LGALS3BP: variants seen among roughly 807,000 people sequenced by gnomAD.
LGALS3BP encodes galectin-3-binding protein.
A neutral mutation model predicts 22.9 loss-of-function variants in LGALS3BP; 25 were observed. That is an observed-to-expected ratio of 1.09 (90% CI 0.80 to 1.53). The LOEUF (loss-of-function observed/expected upper bound fraction) is 1.53, where lower values mean the gene tolerates loss of function less well. LGALS3BP is among the 40% of genes most tolerant of loss of function. The pLI is 0.00. For synonymous variants in LGALS3BP, 335 were observed against 331.1 expected (o/e 1.01, Z -0.13); for missense variants, 718 against 752.0 (o/e 0.95, Z 0.53).
chr17:78,974,672 G>A lies in LGALS3BP; in HGVS notation c.376+16C>T. The A allele has an allele frequency of 6.2e-7, 1 of 1,610,496 alleles. No individual in the cohort carries two copies. Among genetic ancestry groups the A allele is most frequent in the Non-Finnish European group, 8.5e-7 (1 of 1,178,430 alleles). Reference sequence around the variant, plus strand: ...GGCACACTGGGGCCTCCGCAGGGAGGTGCGCCCCCGCTCACCATTGGTGCA... The same window carrying A: ...GGCACACTGGGGCCTCCGCAGGGAGATGCGCCCCCGCTCACCATTGGTGCA... On this transcript the variant is annotated intron_variant, in intron 4 of 5. Coordinates refer to ENST00000262776, the MANE Select transcript of LGALS3BP (RefSeq NM_005567.4).
In LGALS3BP at chr17:78,973,353, CG is replaced by C; in HGVS notation, c.377-132del. The C allele has an allele frequency of 9.0e-7, 1 of 1,111,980 alleles. No individual in the cohort carries two copies. Among genetic ancestry groups the C allele is most frequent in the Non-Finnish European group, 1.2e-6 (1 of 806,526 alleles). The allele number at this position is 1,111,980 out of a possible 1,614,324, so 68.9% of individuals were successfully genotyped here. ...TCACTCTGGAAGGCTCCTGGGAAGA[CG>C]AGGGACAAGAGAGACCGGAAGTGTC... On this transcript the variant is annotated intron_variant, in intron 4 of 5. Coordinates refer to ENST00000262776, the MANE Select transcript of LGALS3BP (RefSeq NM_005567.4). The surrounding 1 kb of genome is among the most constrained non-coding windows in gnomAD (Gnocchi z 5.8).
chr17:78,975,080 T>C, intron 3 of LGALS3BP: 3 of 484,006 alleles, frequency 6.2e-6, no homozygotes, highest in South Asian at 5.1e-5. Flanking sequence ...TGTGTGACTA[T>C]CCCTGCAACA....
intron 1 of LGALS3BP, among the ~76,000 whole-genome samples, chr17:78,978,683 G>A (rs1280743585): frequency 2.6e-5 from 4 of 152,164 alleles, no homozygotes; most frequent in Non-Finnish European, 4.4e-5. Flanking sequence ...ATGGGTGGAC[G>A]CCCTCTCCAC....
At chr17:78,974,130 C>G (rs2070698675) in intron 4 of LGALS3BP, among the ~76,000 whole-genome samples, 1 of 152,248 alleles carries the variant, frequency 6.6e-6, no homozygotes. Context: ...CAACTCCTGG[C>G]AAAGGGCAGT....
Position 78,974,834 on chromosome 17 carries a change from G to A in LGALS3BP, c.245-15C>T. 6.2e-7 allele frequency: 1 copy of A among 1,611,748 alleles called. No individual in the cohort carries two copies. Among genetic ancestry groups the A allele is most frequent in the Non-Finnish European group, 8.5e-7 (1 of 1,178,576 alleles). On this transcript the variant is annotated splice_polypyrimidine_tract_variant and intron_variant, in intron 3 of 5. Transcript: ENST00000262776. ...GGGGCCTGATCCTGTGGACACAGCA[G>A]ATGGCAGGGCTGGGGGCGTGACGAC... is the stretch of plus-strand genomic sequence containing the variant.
rs192815320 is a variant in LGALS3BP at position 78,972,746 on chromosome 17, A to C, written c.630-42T>G. Reference sequence around the variant, plus strand: ...AGAGCAGATGCCGGCCCCACAGGACAGCAGGGGAGCCCTGGGCCCAACTGT... The same window carrying C: ...AGAGCAGATGCCGGCCCCACAGGACCGCAGGGGAGCCCTGGGCCCAACTGT... On this transcript the variant is annotated intron_variant, in intron 5 of 5. Coordinates refer to ENST00000262776, the MANE Select transcript of LGALS3BP (RefSeq NM_005567.4). The surrounding 1 kb of genome is among the most constrained non-coding windows in gnomAD (Gnocchi z 5.1). The C allele has an allele frequency of 2.0e-6, 3 of 1,512,080 alleles. No homozygotes were observed. Among genetic ancestry groups the C allele is most frequent in the Admixed American group, 2.3e-5 (1 of 44,282 alleles). The allele number at this position is 1,512,080 out of a possible 1,614,324, so 93.7% of individuals were successfully genotyped here.
Position 78,972,700 on chromosome 17 carries a change from A to G in LGALS3BP, c.634T>C (p.Phe212Leu). ...VPMVRDLLRY[F>L]YSRRIDITLS... is the part of the protein sequence containing the mutation. ...GTGATGTCAATCCTTCGGGAGTAGAAGTACCTGGGGAGAAAGAAGGAGAGC... is the reference window on the plus strand; with the variant it reads ...GTGATGTCAATCCTTCGGGAGTAGAGGTACCTGGGGAGAAAGAAGGAGAGC... Residue 212 changes from phenylalanine (F) to leucine (L), a missense_variant, in exon 6 of 6, where the codon TTC becomes CTC. By Grantham distance (22) the Phe-to-Leu change is conservative. Transcript: ENST00000262776. This position sits in a 1 kb window ranked among gnomAD's most constrained non-coding sequence, Gnocchi z 5.1. 1 of 1,516,102 alleles carries G rather than the reference A, an allele frequency of 6.6e-7. No individual in the cohort carries two copies. Among genetic ancestry groups the G allele is most frequent in the Middle Eastern group, 1.8e-4 (1 of 5,598 alleles). 93.9% of individuals were successfully genotyped at this position (1,516,102 alleles called of 1,614,324 possible). A position where few individuals can be genotyped will look rare whatever the true frequency, so the allele number is the denominator to read the frequency against.
chr17:78,972,188 TTCCAGGG>T lies in LGALS3BP; in HGVS notation c.1139_1145del (p.Ala380AspfsTer16). On this transcript the variant is annotated frameshift_variant, in exon 6 of 6. Transcript: ENST00000262776. LOFTEE classifies it low-confidence loss of function (END_TRUNC). The surrounding 1 kb of genome is among the most constrained non-coding windows in gnomAD (Gnocchi z 5.1). ...GCAACTGGAAGGGCACAGTGTGGAA[TTCCAGGG>T]CCTGCAGAGTCTTCTTCTGGAACAG... is the stretch of plus-strand genomic sequence containing the variant. The T allele has an allele frequency of 1.2e-6, 2 of 1,613,962 alleles. No homozygotes were observed. Among genetic ancestry groups the T allele is most frequent in the Non-Finnish European group, 1.7e-6 (2 of 1,180,016 alleles).
chr17:78,975,690 G>C (rs568542932), intron 3 of LGALS3BP, among the ~76,000 whole-genome samples: 1 of 149,450 alleles, frequency 6.7e-6, no homozygotes, highest in Non-Finnish European at 1.5e-5. Context: ...TACTCAGAAG[G>C]CTGAGACAGG....
rs1013675368 is a variant in LGALS3BP at position 78,971,489 on chromosome 17, T to G, written c.*87A>C. 3.1e-6 allele frequency: 4 copies of G among 1,285,984 alleles called. No individual in the cohort carries two copies. The African/African-American group carries it at 6.0e-5, about 19-fold the overall frequency. 79.7% of individuals were successfully genotyped at this position (1,285,984 alleles called of 1,614,324 possible). A position where few individuals can be genotyped will look rare whatever the true frequency, so the allele number is the denominator to read the frequency against. On this transcript the variant is annotated 3_prime_UTR_variant, in exon 6 of 6. Transcript: ENST00000262776. This position sits in a 1 kb window ranked among gnomAD's most constrained non-coding sequence, Gnocchi z 5.6. ...CTGGTGGCCGGTTGTTGAAGGTCATTGCAGAGAGGAAGGAAGCCGAGGAGG... is the reference window on the plus strand; with the variant it reads ...CTGGTGGCCGGTTGTTGAAGGTCATGGCAGAGAGGAAGGAAGCCGAGGAGG...
rs766399046 is a variant in LGALS3BP, at chr17:78,972,101, C to T, written c.1233G>A (p.Ser411=). 6.2e-6 allele frequency: 10 copies of T among 1,613,136 alleles called. No homozygotes were observed. Among genetic ancestry groups the T allele is most frequent in the Admixed American group, 3.3e-5 (2 of 60,002 alleles). Residue 411 remains serine (S), a synonymous_variant, in exon 6 of 6, where the codon TCG becomes TCA. Coordinates refer to ENST00000262776, the MANE Select transcript of LGALS3BP (RefSeq NM_005567.4). The surrounding 1 kb of genome is among the most constrained non-coding windows in gnomAD (Gnocchi z 5.1). ...EDTYKPRIYT[S]PTWSAFVTDS... is the part of the protein sequence containing the mutation. ...CTGTCACAAAGGCACTCCAGGTGGG[C>T]GAGGTGTAAATCCGGGGCTTGTAGG...
At chr17:78,979,217 C>A (rs188361245) in intron 1 of LGALS3BP, among the ~76,000 whole-genome samples, 221 of 152,374 alleles carry the variant, frequency 1.5e-3, no homozygotes, top group Admixed American at 4.4e-3. Flanking sequence ...AGGTGCTCTT[C>A]CTTGGAGTGG....
chr17:78,979,310 TG>T (rs1208481944), intron 1 of LGALS3BP: 1 of 152,370 alleles, frequency 6.6e-6, no homozygotes, highest in Non-Finnish European at 1.5e-5. Flanking sequence ...GGTATCCTTG[TG>T]CAGTGAGTAA....
At position 78,972,462 on chromosome 17, in the gene LGALS3BP, G is replaced by A. The variant is rs528455834; in HGVS notation, c.872C>T (p.Thr291Met). 178 of 1,613,376 alleles carry A rather than the reference G, an allele frequency of 1.1e-4. No homozygotes were observed. The highest frequency in any genetic ancestry group is 1.0e-3 in the South Asian group (95 of 91,080). Residue 291 changes from threonine (T) to methionine (M), a missense_variant, in exon 6 of 6, where the codon ACG becomes ATG. Physicochemically the swap from Thr to Met is moderately conservative, Grantham distance 81 (BLOSUM62 -1). Transcript: ENST00000262776. The surrounding 1 kb of genome is among the most constrained non-coding windows in gnomAD (Gnocchi z 5.1). ...GACACTGGGCCAGGCCTCGGCCTGCGTCAAGGCCTCGAAGTTCCAGGCCAG... is the reference window on the plus strand; with the variant it reads ...GACACTGGGCCAGGCCTCGGCCTGCATCAAGGCCTCGAAGTTCCAGGCCAG... ...QFLAWNFEALTQAEAWPSVPT... is the reference protein window; with the variant it reads ...QFLAWNFEALMQAEAWPSVPT...
chr17:78,972,820 G>T lies in LGALS3BP; in HGVS notation c.630-116C>A. ...ACAGTGTGGGAGTGAGCATGCGTGT[G>T]TGTGCAACTGCGTGAGTGCATGTGT... On this transcript the variant is annotated intron_variant, in intron 5 of 5. Coordinates refer to ENST00000262776, the MANE Select transcript of LGALS3BP (RefSeq NM_005567.4). This position sits in a 1 kb window ranked among gnomAD's most constrained non-coding sequence, Gnocchi z 5.1. 7.0e-7 allele frequency: 1 copy of T among 1,433,198 alleles called. No homozygotes were observed. Among genetic ancestry groups the T allele is most frequent in the Non-Finnish European group, 9.4e-7 (1 of 1,066,628 alleles). 88.8% of individuals were successfully genotyped at this position (1,433,198 alleles called of 1,614,324 possible).
In LGALS3BP at chr17:78,972,020, A is replaced by G; in HGVS notation, c.1314T>C (p.Pro438=). ...AGTAATCAGAAGAATATTTGACCAA[A>G]GGCCCCCGTCTGGACTGATAGACCA... ...SQLVYQSRRG[P]LVKYSSDYFQ... Residue 438 remains proline (P), a synonymous_variant, in exon 6 of 6, where the codon CCT becomes CCC. Transcript: ENST00000262776. This position sits in a 1 kb window ranked among gnomAD's most constrained non-coding sequence, Gnocchi z 5.1. 6.2e-7 allele frequency: 1 copy of G among 1,614,062 alleles called. No individual in the cohort carries two copies.
rs1230693163 is a variant in LGALS3BP at position 78,976,154 on chromosome 17, C to T, written c.55G>A (p.Val19Met). 6.4e-6 allele frequency: 10 copies of T among 1,571,512 alleles called. No individual in the cohort carries two copies. The highest frequency in any genetic ancestry group is 2.3e-5 in the South Asian group (2 of 85,730). ...VWLLVAGTQGVNDGDMRLADG... is the reference protein window; with the variant it reads ...VWLLVAGTQGMNDGDMRLADG... ...GCCAGCCGCATGTCACCATCGTTCACGCCTGCAGGCAGAGACCAGCGAGGG... is the reference window on the plus strand; with the variant it reads ...GCCAGCCGCATGTCACCATCGTTCATGCCTGCAGGCAGAGACCAGCGAGGG... The change falls in exon 3 of 6, where the codon GTG (valine) becomes ATG (methionine). Residue 19 changes from valine to methionine, a missense_variant and splice_region_variant. By Grantham distance (21) the Val-to-Met change is conservative. Coordinates refer to ENST00000262776, the MANE Select transcript of LGALS3BP (RefSeq NM_005567.4). The surrounding 1 kb of genome is among the most constrained non-coding windows in gnomAD (Gnocchi z 4.6).
rs990957339 is a variant in LGALS3BP at position 78,979,032 on chromosome 17, C to A, written c.-24+792G>T. Among the ~76,000 whole-genome samples, 4 of 151,136 alleles carry A rather than the reference C, an allele frequency of 2.6e-5. No homozygotes were observed. In the Admixed American group the frequency reaches 2.7e-4, roughly 10 times the overall value. The stretch of plus-strand genomic sequence containing the variant: ...AGAGATTGTAGTGAGCCGCTGCACT[C>A]CAGCCTGGGTGACAGAGCAAGACTC... On this transcript the variant is annotated intron_variant, in intron 1 of 5. Coordinates refer to ENST00000262776, the MANE Select transcript of LGALS3BP (RefSeq NM_005567.4).
rs2070668552 is a variant in LGALS3BP, at chr17:78,971,408, GTGGAAGCC to G, written c.*160_*167del. 1 of 640,306 alleles carries G rather than the reference GTGGAAGCC, an allele frequency of 1.6e-6. No homozygotes were observed. The highest frequency in any genetic ancestry group is 2.7e-6 in the Non-Finnish European group (1 of 376,164). The allele number at this position is 640,306 out of a possible 1,614,324, so 39.7% of individuals were successfully genotyped here. On this transcript the variant is annotated 3_prime_UTR_variant, in exon 6 of 6. Coordinates refer to ENST00000262776, the MANE Select transcript of LGALS3BP (RefSeq NM_005567.4). The surrounding 1 kb of genome is among the most constrained non-coding windows in gnomAD (Gnocchi z 5.6). ...GTGGGAGAACTCCTGGTGGACCCTAGTGGAAGCCTTCCAGTAATTTCTTGAAGCTGAGC... is the reference window on the plus strand; with the variant it reads ...GTGGGAGAACTCCTGGTGGACCCTAGTTCCAGTAATTTCTTGAAGCTGAGC...
Sources: allele counts gnomAD v4.1 joint callset (sites outside exome capture counted in the v4.1 genomes callset), GRCh38; gene constraint gnomAD v4.1.1; non-coding constraint Gnocchi (gnomAD v3.1); transcripts MANE v1.5; gene names NCBI Gene and HGNC (gene_info 2026-07-23, HGNC 2026-07-21).